TDRD1: variants seen among roughly 807,000 people sequenced by gnomAD.
The protein encoded by TDRD1 is tudor domain-containing protein 1.
TDRD1 carries 37 observed loss-of-function variants against 140.6 expected under a neutral mutation model. That is an observed-to-expected ratio of 0.26 (90% CI 0.20 to 0.35). TDRD1 has a LOEUF of 0.35. Ranked by LOEUF, TDRD1 falls within the 10% of genes least tolerant of loss-of-function variation. The pLI is 1.00. For synonymous variants in TDRD1, 506 were observed against 475.7 expected (o/e 1.06, Z -0.83); for missense variants, 1,243 against 1,393.0 (o/e 0.89, Z 1.71).
In TDRD1 at chr10:114,213,572, C is replaced by T. The variant is rs140997750; in HGVS notation, c.2058C>T (p.Asp686=). ...GTATGGTGACAGATAAACCCAGTGA[C>T]GTGAAAGAAACCAGTGGTAAGTCAA... The change falls in exon 15 of 26, where the codon GAC becomes GAT. Residue 686 remains aspartate (D), a synonymous_variant. Coordinates refer to ENST00000251864, the Ensembl canonical transcript of TDRD1. 174 of 1,613,582 alleles carry T rather than the reference C, an allele frequency of 1.1e-4. 2 individuals carry two copies. Among genetic ancestry groups the T allele is most frequent in the South Asian group, 8.8e-4 (80 of 91,030 alleles).
intron 4 of TDRD1, 51 bp from the exon 5 acceptor site, chr10:114,201,359 T>A: frequency 1.4e-6 from 2 of 1,453,138 alleles, no homozygotes. Context: ...GTGTGGACTT[T>A]GAGAATGTCT....
chr10:114,178,282 G>A (rs1014574390), upstream of TDRD1, among the ~76,000 whole-genome samples: 2 of 152,196 alleles, frequency 1.3e-5, no homozygotes, highest in Non-Finnish European at 2.9e-5. Flanking sequence ...TCTTACTGAG[G>A]ACTGCAACCA....
downstream of TDRD1, among the ~76,000 whole-genome samples, chr10:114,232,512 T>A (rs2036810606): frequency 6.8e-6 from 1 of 147,732 alleles, no homozygotes; most frequent in African/African-American, 2.5e-5. Context: ...GACTTTTTTT[T>A]TTTTTTTTTT....
chr10:114,200,846 C>T (rs887178364), intron 4 of TDRD1, among the ~76,000 whole-genome samples: 3 of 128,652 alleles, frequency 2.3e-5, no homozygotes, highest in Non-Finnish European at 4.8e-5. Context: ...CTTGCTGCTG[C>T]CTTTTTTTTT....
exon 22 of TDRD1, chr10:114,226,182 G>C (rs748715176): frequency 6.2e-7 from 1 of 1,613,548 alleles, no homozygotes; most frequent in Non-Finnish European, 8.5e-7. Context: ...GCCACCTGGC[G>C]CTTCCTTTCC....
At chr10:114,212,279 C>T (rs2035535742) in intron 14 of TDRD1, among the ~76,000 whole-genome samples, 1 of 152,152 alleles carries the variant, frequency 6.6e-6, no homozygotes, top group Admixed American at 6.5e-5. Flanking sequence ...ATTACATTTG[C>T]AGCATATCCA....
intron 16 of TDRD1, among the ~76,000 whole-genome samples, chr10:114,215,405 A>T (rs11599448): frequency 0.16 from 24,694 of 152,074 alleles, 2,178 homozygotes; most frequent in Middle Eastern, 0.21. Flanking sequence ...ATGGAGTCCA[A>T]ACCTAGGAAT....
chr10:114,178,626 T>G (rs570619877), upstream of TDRD1, among the ~76,000 whole-genome samples: 1 of 152,288 alleles, frequency 6.6e-6, no homozygotes, highest in Admixed American at 6.5e-5. Context: ...GGGTCTGAAA[T>G]GCTGACAAAC....
intron 3 of TDRD1, among the ~76,000 whole-genome samples, chr10:114,192,292 C>CTTTTT (rs938140798): frequency 0.031 from 2,354 of 75,044 alleles, 225 homozygotes; most frequent in Non-Finnish European, 0.044. Context: ...GATAGTTTTC[C>CTTTTT]TTTTTTTTTT....
chr10:114,177,052 A>C (rs1449267295), upstream of TDRD1, among the ~76,000 whole-genome samples: 2 of 152,220 alleles, frequency 1.3e-5, no homozygotes, highest in Admixed American at 6.5e-5. Flanking sequence ...CTGAGCAAGG[A>C]AATACAGTAG....
intron 5 of TDRD1, among the ~76,000 whole-genome samples, 187 bp downstream of exon 5, chr10:114,201,702 T>C: frequency 6.6e-6 from 1 of 152,192 alleles, no homozygotes. Context: ...TTTTACCAGG[T>C]AGTACATGTG....
chr10:114,228,240 T>G, intron 25 of TDRD1: 1 of 1,444,476 alleles, frequency 6.9e-7, no homozygotes, highest in Non-Finnish European at 9.1e-7. Context: ...GGCTGTACTT[T>G]CGTGATTTAA....
At chr10:114,211,138 G>A (rs1157116476) in intron 13 of TDRD1, among the ~76,000 whole-genome samples, 171 bp downstream of exon 13, 1 of 152,208 alleles carries the variant, frequency 6.6e-6, no homozygotes, top group Non-Finnish European at 1.5e-5. Context: ...TAAACTGGTT[G>A]AAAGGAGTGT....
At chr10:114,224,314 T>G (rs2036312668) in intron 21 of TDRD1, among the ~76,000 whole-genome samples, 1 of 152,234 alleles carries the variant, frequency 6.6e-6, no homozygotes, top group Non-Finnish European at 1.5e-5. Context: ...TTCCACAAAC[T>G]TTGTATGTTT....
chr10:114,182,360 T>C (rs537892823), intron 1 of TDRD1, among the ~76,000 whole-genome samples: 1 of 152,356 alleles, frequency 6.6e-6, no homozygotes, highest in South Asian at 2.1e-4. Context: ...CGAAAATTCC[T>C]GAATAGGGTG....
exon 14 of TDRD1, chr10:114,211,981 C>T: frequency 6.2e-7 from 1 of 1,612,614 alleles, no homozygotes; most frequent in Non-Finnish European, 8.5e-7. Context: ...GACTTTGTCC[C>T]ATAATCCCAA....
At chr10:114,182,188 C>T (rs1240375749) in intron 1 of TDRD1, among the ~76,000 whole-genome samples, 2 of 152,104 alleles carry the variant, frequency 1.3e-5, no homozygotes, top group Non-Finnish European at 2.9e-5. Context: ...ATAAGAGTCT[C>T]AGATATTTTT....
In TDRD1 at chr10:114,204,057, T is replaced by C; in HGVS notation, c.982-16T>C. 2 of 1,595,454 alleles carry C rather than the reference T, an allele frequency of 1.3e-6. No homozygotes were observed. The highest frequency in any genetic ancestry group is 2.3e-5 in the South Asian group (2 of 87,034). On this transcript the variant is annotated splice_polypyrimidine_tract_variant and intron_variant, in intron 8 of 25. Coordinates refer to ENST00000251864, the Ensembl canonical transcript of TDRD1. ...ATGCTGTTATGAAGCAGAGTACCAT[T>C]ATATTTCACTTTCAGACCTGGAACA...
At chr10:114,174,876 G>T (rs771319766), upstream of TDRD1, among the ~76,000 whole-genome samples, 1 of 152,084 alleles carries the variant, frequency 6.6e-6, no homozygotes, top group South Asian at 2.1e-4. Flanking sequence ...CAGTTGCCTC[G>T]CCCGGCCCAG....
Sources: gnomAD v4.1 joint callset for allele counts (sites outside exome capture counted in the v4.1 genomes callset) on GRCh38, gnomAD v4.1.1 for gene constraint, MANE v1.5 for transcripts, NCBI Gene and HGNC (gene_info 2026-07-23, HGNC 2026-07-21) for gene names.